Variants in HS6ST3 observed in about 807,000 individuals in gnomAD.
HS6ST3 encodes heparan-sulfate 6-O-sulfotransferase 3.
A neutral mutation model predicts 36.7 loss-of-function variants in HS6ST3; 12 were observed. That is an observed-to-expected ratio of 0.33 (90% CI 0.21 to 0.53). HS6ST3 has a LOEUF of 0.53. Among genes scored for constraint, HS6ST3 ranks in the 20% least tolerant of loss-of-function variants. HS6ST3 has a pLI of 0.95. For missense variants in HS6ST3, 584 were observed against 640.9 expected (o/e 0.91, Z 0.96); for synonymous variants, 240 against 257.5 (o/e 0.93, Z 0.65).
intron 1 of HS6ST3, among the ~76,000 whole-genome samples, chr13:96,684,734 G>C (rs522005): frequency 0.96 from 146,435 of 152,084 alleles, 70,709 homozygotes; most frequent in Non-Finnish European, 1. Context: ...GTTATCACTA[G>C]GTAGTGCAGC....
intron 1 of HS6ST3, among the ~76,000 whole-genome samples, chr13:96,764,243 A>C (rs1877040371): frequency 6.6e-6 from 1 of 152,244 alleles, no homozygotes; most frequent in Non-Finnish European, 1.5e-5. Flanking sequence ...TTTTCAAAGA[A>C]CAATTCTGTA....
intron 1 of HS6ST3, among the ~76,000 whole-genome samples, chr13:96,286,951 C>CGT (rs144351767): frequency 4.6e-5 from 7 of 151,284 alleles, no homozygotes; most frequent in African/African-American, 7.3e-5. Context: ...AGTGTGTGTG[C>CGT]GTGTGTGTGT....
chr13:96,176,999 G>A (rs962964766), intron 1 of HS6ST3, among the ~76,000 whole-genome samples: 2 of 152,066 alleles, frequency 1.3e-5, no homozygotes, highest in African/African-American at 2.4e-5. Context: ...ACATACACGC[G>A]GCCAACTAGC....
chr13:96,689,170 G>A (rs986318564), intron 1 of HS6ST3, among the ~76,000 whole-genome samples: 1 of 151,936 alleles, frequency 6.6e-6, no homozygotes, highest in Non-Finnish European at 1.5e-5. Flanking sequence ...GGAGTGTTCC[G>A]AGGCTCACAT....
intron 1 of HS6ST3, among the ~76,000 whole-genome samples, chr13:96,671,566 A>G (rs115058171): frequency 1.8e-3 from 271 of 152,242 alleles, no homozygotes; most frequent in African/African-American, 6.4e-3. Flanking sequence ...GGAGGCTAGA[A>G]ACTCAAGATC....
At chr13:96,225,976 C>G (rs1394326720) in intron 1 of HS6ST3, among the ~76,000 whole-genome samples, 1 of 152,084 alleles carries the variant, frequency 6.6e-6, no homozygotes, top group Non-Finnish European at 1.5e-5. Context: ...ACTCACTGAT[C>G]TTAGTTAAGT....
intron 1 of HS6ST3, among the ~76,000 whole-genome samples, chr13:96,561,882 T>G (rs1213266537): frequency 6.6e-6 from 1 of 152,164 alleles, no homozygotes; most frequent in Admixed American, 6.5e-5. Flanking sequence ...AAATAACAGA[T>G]GCTTACAAGG....
In HS6ST3 at chr13:96,352,792, G is replaced by A. The variant is rs181408909; in HGVS notation, c.707+261223G>A. 4.6e-5 allele frequency among the ~76,000 whole-genome samples: 7 copies of A among 152,230 alleles called. No individual in the cohort carries two copies. In the East Asian group the frequency reaches 7.7e-4, roughly 17 times the overall value. ...GAAAAAGCTAACATTTATTAAACAC[G>A]TAGTCTTTACCAGGCATAATTATAA... is the stretch of plus-strand genomic sequence containing the variant. On this transcript the variant is annotated intron_variant, in intron 1 of 1. Coordinates refer to ENST00000376705, the MANE Select transcript of HS6ST3 (RefSeq NM_153456.4).
At chr13:96,223,033 C>A (rs149076792) in intron 1 of HS6ST3, among the ~76,000 whole-genome samples, 1 of 152,204 alleles carries the variant, frequency 6.6e-6, no homozygotes, top group South Asian at 2.1e-4. Flanking sequence ...TGGAATATGA[C>A]TGCATAATAT....
chr13:96,820,722 A>G lies in HS6ST3; in HGVS notation c.708-11768A>G, dbSNP rs1878516461. 2.6e-5 allele frequency among the ~76,000 whole-genome samples: 4 copies of G among 152,370 alleles called. No individual in the cohort carries two copies. In the South Asian group the frequency reaches 8.3e-4, roughly 32 times the overall value. On this transcript the variant is annotated intron_variant, in intron 1 of 1. Coordinates refer to ENST00000376705, the MANE Select transcript of HS6ST3 (RefSeq NM_153456.4). ...CAAACCTATTTTCTTTTCACTCCATATAAAGTGAAGTTCCCAACATTCTTG... is the reference window on the plus strand; with the variant it reads ...CAAACCTATTTTCTTTTCACTCCATGTAAAGTGAAGTTCCCAACATTCTTG...
intron 1 of HS6ST3, among the ~76,000 whole-genome samples, chr13:96,434,625 C>T (rs1398587494): frequency 6.6e-6 from 1 of 152,046 alleles, no homozygotes; most frequent in Non-Finnish European, 1.5e-5. Flanking sequence ...TCTTCTCTTA[C>T]CAGGCCTTGA....
At chr13:96,832,096 G>C (rs1329906746) in intron 1 of HS6ST3, among the ~76,000 whole-genome samples, 1 of 151,648 alleles carries the variant, frequency 6.6e-6, no homozygotes, top group Non-Finnish European at 1.5e-5. Context: ...TACCAAAAAG[G>C]TTTGCTGTAA....
At chr13:96,365,917 T>A (rs2055260374) in intron 1 of HS6ST3, among the ~76,000 whole-genome samples, 1 of 152,156 alleles carries the variant, frequency 6.6e-6, no homozygotes, top group African/African-American at 2.4e-5. Context: ...TTGCTAATAT[T>A]TAAAAATAAG....
At chr13:96,164,939 T>G (rs1172210998) in intron 1 of HS6ST3, among the ~76,000 whole-genome samples, 3 of 152,210 alleles carry the variant, frequency 2.0e-5, no homozygotes, top group Non-Finnish European at 4.4e-5. Flanking sequence ...TTCATATTCT[T>G]TCTTTCTGAT....
chr13:96,501,738 A>G (rs1434106101), intron 1 of HS6ST3, among the ~76,000 whole-genome samples: 2 of 152,236 alleles, frequency 1.3e-5, no homozygotes, highest in Non-Finnish European at 2.9e-5. Flanking sequence ...TTACATTCTG[A>G]TATGCTAAAA....
At chr13:96,218,910 T>C (rs2054440855) in intron 1 of HS6ST3, among the ~76,000 whole-genome samples, 2 of 152,200 alleles carry the variant, frequency 1.3e-5, no homozygotes, top group African/African-American at 2.4e-5. Context: ...AGTTTTCAGT[T>C]AAGAACCTAG....
At chr13:96,500,968 G>T (rs1197748864) in intron 1 of HS6ST3, among the ~76,000 whole-genome samples, 1 of 152,138 alleles carries the variant, frequency 6.6e-6, no homozygotes, top group Non-Finnish European at 1.5e-5. Flanking sequence ...AATGCAGTTT[G>T]GCAATCTCAA....
At chr13:96,345,358 G>A (rs968247377) in intron 1 of HS6ST3, among the ~76,000 whole-genome samples, 1 of 152,026 alleles carries the variant, frequency 6.6e-6, no homozygotes, top group African/African-American at 2.4e-5. Flanking sequence ...TTTTTCTAAA[G>A]CGTGTTTGTC....
intron 1 of HS6ST3, among the ~76,000 whole-genome samples, chr13:96,115,887 C>T (rs2053891766): frequency 6.6e-6 from 1 of 152,170 alleles, no homozygotes; most frequent in African/African-American, 2.4e-5. Context: ...TCCTGTTTCT[C>T]CACATCCTCG....
Sources: gnomAD v4.1 joint callset for allele counts (sites outside exome capture counted in the v4.1 genomes callset) on GRCh38, gnomAD v4.1.1 for gene constraint, MANE v1.5 for transcripts, NCBI Gene and HGNC (gene_info 2026-07-23, HGNC 2026-07-21) for gene names.